The following SPATA13 variants were observed in gnomAD, a reference collection of about 807,000 sequenced individuals.
The protein encoded by SPATA13 is spermatogenesis-associated protein 13.
A neutral mutation model predicts 104.0 loss-of-function variants in SPATA13; 50 were observed. The ratio of observed to expected loss-of-function variants is 0.48; its 90% CI spans 0.38 to 0.61. The LOEUF (loss-of-function observed/expected upper bound fraction) is 0.61. SPATA13 is among the 20% of genes least tolerant of loss of function. The probability of loss-of-function intolerance (pLI) is 0.00; values close to 1 mark genes in which losing one functional copy is unlikely to be tolerated. For missense variants in SPATA13, 1,524 were observed against 1,690.6 expected (o/e 0.90, Z 1.73); for synonymous variants, 606 against 667.5 (o/e 0.91, Z 1.42).
At chr13:23,989,502 A>C (rs1271737806) in intron 2 of SPATA13, among the ~76,000 whole-genome samples, 2 of 152,206 alleles carry the variant, frequency 1.3e-5, no homozygotes. Context: ...ACTGAAAAAA[A>C]CAACCCAAAA....
At chr13:24,053,378 CTGA>C (rs1878430228) in intron 3 of SPATA13, among the ~76,000 whole-genome samples, 1 of 152,276 alleles carries the variant, frequency 6.6e-6, no homozygotes, top group Admixed American at 6.5e-5. Flanking sequence ...CATTCCATGG[CTGA>C]TTCACGTGGA....
At position 24,190,289 on chromosome 13, in the gene SPATA13, A is replaced by ATATTATATATTATTATATATAATATATG. The variant is rs1566141617; in HGVS notation, c.-112+29357_-112+29358insTATTATATATTATTATATATAATATATG. On this transcript the variant is annotated intron_variant, in intron 1 of 12. Coordinates refer to ENST00000382108, the MANE Select transcript of SPATA13 (RefSeq NM_001166271.3). ...ATATATATTATTATATATAATATAT[A>ATATTATATATTATTATATATAATATATG]ATATTATATATTATTATATATAATA... Among the ~76,000 whole-genome samples, 4 of 7,638 alleles carry ATATTATATATTATTATATATAATATATG rather than the reference A, an allele frequency of 5.2e-4. 1 individual carries two copies. Among genetic ancestry groups the ATATTATATATTATTATATATAATATATG allele is most frequent in the East Asian group, 0.019 (1 of 54 alleles). The allele number at this position is 7,638 out of a possible 152,430, so 5.0% of individuals were successfully genotyped here. A position where few individuals can be genotyped will look rare whatever the true frequency, so the allele number is the denominator to read the frequency against.
Position 24,286,533 on chromosome 13 carries a change from C to T in SPATA13, c.2481+140C>T. The T allele has an allele frequency of 9.5e-7, 1 of 1,051,578 alleles. No homozygotes were observed. Among genetic ancestry groups the T allele is most frequent in the East Asian group, 2.6e-5 (1 of 38,150 alleles). 65.1% of individuals were successfully genotyped at this position (1,051,578 alleles called of 1,614,324 possible). ...CAAGTCACACCTGTAAGAAATTAGGCTGGGTCGGAGCAAAAATGTTAAAGG... is the reference window on the plus strand; with the variant it reads ...CAAGTCACACCTGTAAGAAATTAGGTTGGGTCGGAGCAAAAATGTTAAAGG... On this transcript the variant is annotated intron_variant, in intron 6 of 12. Coordinates refer to ENST00000382108, the MANE Select transcript of SPATA13 (RefSeq NM_001166271.3). The surrounding 1 kb of genome is among the most constrained non-coding windows in gnomAD (Gnocchi z 4.9).
intron 1 of SPATA13, among the ~76,000 whole-genome samples, chr13:24,219,986 C>G (rs186342100): frequency 1.1e-4 from 17 of 152,266 alleles, no homozygotes; most frequent in African/African-American, 4.1e-4. Flanking sequence ...GACACCTGGT[C>G]CCCCAAATGT....
chr13:24,027,794 A>C (rs972237339), intron 3 of SPATA13, among the ~76,000 whole-genome samples: 1 of 152,198 alleles, frequency 6.6e-6, no homozygotes, highest in Non-Finnish European at 1.5e-5. Context: ...CGAGGAAATT[A>C]GTATATGCAC....
At chr13:24,007,867 A>G (rs1876302132) in intron 2 of SPATA13, among the ~76,000 whole-genome samples, 1 of 152,248 alleles carries the variant, frequency 6.6e-6, no homozygotes. Flanking sequence ...ATGCATGGTG[A>G]GACTTAATAA....
intron 2 of SPATA13, among the ~76,000 whole-genome samples, chr13:24,015,343 C>A (rs995003380): frequency 6.6e-6 from 1 of 152,122 alleles, no homozygotes; most frequent in Non-Finnish European, 1.5e-5. Context: ...AAATAGAGAA[C>A]CTAAGTAAAA....
intron 9 of SPATA13, among the ~76,000 whole-genome samples, chr13:24,294,340 A>G (rs147713873): frequency 6.6e-6 from 1 of 152,326 alleles, no homozygotes; most frequent in Non-Finnish European, 1.5e-5. Context: ...GAAAATGGTT[A>G]GTGATTTTTA....
chr13:24,111,211 C>T (rs1023740382), intron 3 of SPATA13, among the ~76,000 whole-genome samples: 1 of 152,048 alleles, frequency 6.6e-6, no homozygotes, highest in African/African-American at 2.4e-5. Flanking sequence ...ACACAGCCAA[C>T]TCCCTCTTTA....
At chr13:24,146,143 G>A (rs566529857) in intron 3 of SPATA13, among the ~76,000 whole-genome samples, 2 of 152,322 alleles carry the variant, frequency 1.3e-5, no homozygotes, top group African/African-American at 4.8e-5. Flanking sequence ...GGTATTTTAG[G>A]CAGCACCTAT....
chr13:24,281,718 C>T lies in SPATA13; in HGVS notation c.2165-2417C>T, dbSNP rs555469002. Among the ~76,000 whole-genome samples the T allele has an allele frequency of 2.6e-5, 4 of 152,216 alleles. No homozygotes were observed. In the East Asian group the frequency reaches 7.7e-4, roughly 29 times the overall value. On this transcript the variant is annotated intron_variant, in intron 4 of 12. Transcript: ENST00000382108. ...CCATGAGCAGACCCAGCTCAGTGGGCACCACTCACAGGTGCTGTGTCCAGA... is the reference window on the plus strand; with the variant it reads ...CCATGAGCAGACCCAGCTCAGTGGGTACCACTCACAGGTGCTGTGTCCAGA...
At chr13:24,101,957 C>T (rs552337446) in intron 3 of SPATA13, among the ~76,000 whole-genome samples, 11 of 152,326 alleles carry the variant, frequency 7.2e-5, no homozygotes, top group Admixed American at 2.6e-4. Context: ...GGGCGAATAT[C>T]TGCTCAAGAC....
chr13:24,140,758 G>T (rs1002485745), intron 3 of SPATA13, among the ~76,000 whole-genome samples: 9 of 152,122 alleles, frequency 5.9e-5, no homozygotes, highest in African/African-American at 2.2e-4. Flanking sequence ...ATGAATTCTG[G>T]GTTTTCTAAC....
At chr13:24,122,883 A>G (rs1593344334) in intron 3 of SPATA13, 3 of 774,024 alleles carry the variant, frequency 3.9e-6, no homozygotes, top group Non-Finnish European at 7.2e-6. Context: ...AGTAGGAACG[A>G]CCTGTAAGCA....
chr13:24,245,593 T>TTTC (rs1365918185), intron 2 of SPATA13, among the ~76,000 whole-genome samples: 8 of 145,648 alleles, frequency 5.5e-5, no homozygotes, highest in Non-Finnish European at 1.1e-4. Flanking sequence ...TCTTTTTTTT[T>TTTC]TTTTTTTTTT....
intron 4 of SPATA13, among the ~76,000 whole-genome samples, chr13:24,255,729 C>G (rs1224775202): frequency 6.6e-6 from 1 of 152,214 alleles, no homozygotes; most frequent in African/African-American, 2.4e-5. Flanking sequence ...CCATCTCTAG[C>G]ATTTCCATCC....
intron 3 of SPATA13, among the ~76,000 whole-genome samples, chr13:24,117,561 G>A (rs1011259961): frequency 6.6e-5 from 10 of 152,098 alleles, no homozygotes; most frequent in African/African-American, 2.2e-4. Context: ...ACCTTAGGAG[G>A]TGTATTCACC....
At chr13:24,266,077 C>G (rs180865538) in intron 4 of SPATA13, among the ~76,000 whole-genome samples, 8 of 152,292 alleles carry the variant, frequency 5.3e-5, no homozygotes, top group African/African-American at 1.9e-4. Flanking sequence ...CTCCAGAAAT[C>G]CTCCTAGAGA....
intron 1 of SPATA13, among the ~76,000 whole-genome samples, chr13:24,220,670 A>G (rs762477437): frequency 1.3e-5 from 2 of 152,196 alleles, no homozygotes; most frequent in Non-Finnish European, 2.9e-5. Context: ...CCTCCATTAG[A>G]ACATTAAACT....
Sources: gnomAD v4.1 joint callset for allele counts (sites outside exome capture counted in the v4.1 genomes callset) on GRCh38, gnomAD v4.1.1 for gene constraint, Gnocchi (gnomAD v3.1) non-coding constraint, MANE v1.5 for transcripts, NCBI Gene and HGNC (gene_info 2026-07-23, HGNC 2026-07-21) for gene names.